SLC24A3: variants seen among roughly 807,000 people sequenced by gnomAD.
SLC24A3 encodes the protein sodium/potassium/calcium exchanger 3.
Under a neutral mutation model 75.8 loss-of-function variants are expected in SLC24A3, and 28 were observed. That is an observed-to-expected ratio of 0.37 (90% confidence interval 0.27 to 0.51). SLC24A3 has a LOEUF of 0.51. Among genes scored for constraint, SLC24A3 ranks in the 20% least tolerant of loss-of-function variants. The pLI, the probability that SLC24A3 is intolerant of heterozygous loss-of-function variation, is 0.94. For synonymous variants in SLC24A3, 372 were observed against 334.1 expected (o/e 1.11, Z -1.24); for missense variants, 663 against 847.8 (o/e 0.78, Z 2.71).
At chr20:19,536,886 T>C (rs57455631) in intron 3 of SLC24A3, among the ~76,000 whole-genome samples, 20,939 of 152,170 alleles carry the variant, frequency 0.14, 1,584 homozygotes, top group Middle Eastern at 0.18. Flanking sequence ...CAAGATGGAT[T>C]AAAGACTTAC....
At chr20:19,590,169 C>T (rs944882310) in intron 6 of SLC24A3, among the ~76,000 whole-genome samples, 7 of 148,906 alleles carry the variant, frequency 4.7e-5, no homozygotes, top group Non-Finnish European at 8.9e-5. Context: ...ACCGCAATTA[C>T]TTTTGCACCA....
intron 4 of SLC24A3, 61 bp downstream of exon 4, chr20:19,580,135 A>G: frequency 6.8e-7 from 1 of 1,463,940 alleles, no homozygotes; most frequent in Non-Finnish European, 9.5e-7. Context: ...TGTGCCCTGT[A>G]CTGTTCCAGC....
At chr20:19,278,929 G>GC (rs1273035208) in intron 1 of SLC24A3, among the ~76,000 whole-genome samples, 2 of 152,232 alleles carry the variant, frequency 1.3e-5, no homozygotes, top group African/African-American at 2.4e-5. Context: ...TAGGTGAGGT[G>GC]CCCACAGGCA....
chr20:19,500,397 C>G (rs1400870882), intron 2 of SLC24A3, among the ~76,000 whole-genome samples: 1 of 152,262 alleles, frequency 6.6e-6, no homozygotes, highest in Non-Finnish European at 1.5e-5. Flanking sequence ...TTTTGCTTCT[C>G]TCCTCATCTT....
At chr20:19,341,954 C>T (rs1361820383) in intron 2 of SLC24A3, among the ~76,000 whole-genome samples, 1 of 152,154 alleles carries the variant, frequency 6.6e-6, no homozygotes, top group African/African-American at 2.4e-5. Context: ...TTTGTAGATA[C>T]AATACCTATT....
At chr20:19,637,889 A>G (rs2032020396) in intron 6 of SLC24A3, among the ~76,000 whole-genome samples, 1 of 152,260 alleles carries the variant, frequency 6.6e-6, no homozygotes, top group Non-Finnish European at 1.5e-5. Flanking sequence ...TAATAATTAT[A>G]ACTATCAAAT....
intron 1 of SLC24A3, among the ~76,000 whole-genome samples, chr20:19,231,060 C>A (rs1289593559): frequency 6.6e-6 from 1 of 152,198 alleles, no homozygotes; most frequent in Non-Finnish European, 1.5e-5. Flanking sequence ...ATTATCTCTG[C>A]AGAACCATGG....
At chr20:19,630,079 C>T (rs190288096) in intron 6 of SLC24A3, among the ~76,000 whole-genome samples, 1 of 152,108 alleles carries the variant, frequency 6.6e-6, no homozygotes, top group Non-Finnish European at 1.5e-5. Flanking sequence ...TAAGCAATAA[C>T]TATAAATTAT....
rs73900721 is a variant in SLC24A3 at position 19,698,514 on chromosome 20, G to T, written c.1607-54G>T. The T allele has an allele frequency of 2.1e-3, 2,958 of 1,404,816 alleles. 54 individuals are homozygous for T. In the African/African-American group the frequency reaches 0.038, roughly 18 times the overall value. The allele number at this position is 1,404,816 out of a possible 1,614,324, so 87.0% of individuals were successfully genotyped here. ...GAGACTAAAGGCTTGGGAGAGTCCTGTGTGGGGCCCCTGGGTTCCCTTCCC... is the reference window on the plus strand; with the variant it reads ...GAGACTAAAGGCTTGGGAGAGTCCTTTGTGGGGCCCCTGGGTTCCCTTCCC... On this transcript the variant is annotated intron_variant, in intron 14 of 16. Transcript: ENST00000328041.
chr20:19,578,537 C>T (rs1347461046), intron 3 of SLC24A3, among the ~76,000 whole-genome samples: 2 of 151,874 alleles, frequency 1.3e-5, no homozygotes, highest in East Asian at 1.9e-4. Flanking sequence ...CCCTTACAGA[C>T]CTGTCCCTGA....
At chr20:19,646,651 C>T (rs1035172119) in intron 6 of SLC24A3, among the ~76,000 whole-genome samples, 10 of 152,178 alleles carry the variant, frequency 6.6e-5, no homozygotes, top group African/African-American at 1.4e-4. Flanking sequence ...AGTGGGCACA[C>T]GTGGTAGCCA....
chr20:19,547,695 A>C (rs190576792), intron 3 of SLC24A3, among the ~76,000 whole-genome samples: 230 of 152,364 alleles, frequency 1.5e-3, no homozygotes, highest in African/African-American at 5.5e-3. Flanking sequence ...GCCAAAAAAA[A>C]CTGCCTCTCC....
intron 2 of SLC24A3, among the ~76,000 whole-genome samples, chr20:19,473,466 G>A (rs1056228108): frequency 3.3e-5 from 5 of 152,234 alleles, no homozygotes; most frequent in African/African-American, 7.2e-5. Context: ...AACAGCAATG[G>A]CGGGTAACCC....
At chr20:19,241,806 C>G (rs900542839) in intron 1 of SLC24A3, among the ~76,000 whole-genome samples, 3 of 152,146 alleles carry the variant, frequency 2.0e-5, no homozygotes, top group Non-Finnish European at 2.9e-5. Context: ...TGAGGGCAAT[C>G]GTGATGAATA....
Position 19,612,607 on chromosome 20 carries a change from AGTGTGTGT to A in SLC24A3, c.612+27090_612+27097del, listed in dbSNP as rs71198018. On this transcript the variant is annotated intron_variant, in intron 6 of 16. Transcript: ENST00000328041. ...ATAAAACTCAAGAACCCTTAAGAAA[AGTGTGTGT>A]GTGTGTGTGTGTGTGTGTGTGTGTG... Among the ~76,000 whole-genome samples the A allele has an allele frequency of 1.2e-3, 173 of 146,938 alleles. 1 individual carries two copies. The highest frequency in any genetic ancestry group is 1.2e-3 in the Admixed American group (18 of 14,800).
chr20:19,632,923 C>T (rs539805472), intron 6 of SLC24A3, among the ~76,000 whole-genome samples: 2 of 152,336 alleles, frequency 1.3e-5, no homozygotes, highest in Admixed American at 6.5e-5. Flanking sequence ...GCCTTCACAG[C>T]GAGTTGTAAG....
chr20:19,341,453 T>C (rs1203967154), intron 2 of SLC24A3, among the ~76,000 whole-genome samples: 1 of 152,184 alleles, frequency 6.6e-6, no homozygotes, highest in East Asian at 1.9e-4. Context: ...GTGGGGTGTG[T>C]TCTGGAGGGA....
At chr20:19,691,861 T>A (rs1263181685) in intron 12 of SLC24A3, among the ~76,000 whole-genome samples, 1 of 152,104 alleles carries the variant, frequency 6.6e-6, no homozygotes, top group African/African-American at 2.4e-5. Flanking sequence ...TTTTCACAGA[T>A]GAAGAAACTG....
chr20:19,536,554 G>T (rs1395692837), intron 3 of SLC24A3, among the ~76,000 whole-genome samples: 1 of 152,162 alleles, frequency 6.6e-6, no homozygotes, highest in African/African-American at 2.4e-5. Context: ...CCAAAAAAGA[G>T]TCCGCATTGC....
Sources: allele counts gnomAD v4.1 joint callset (sites outside exome capture counted in the v4.1 genomes callset), GRCh38; gene constraint gnomAD v4.1.1; transcripts MANE v1.5; gene names NCBI Gene and HGNC (gene_info 2026-07-23, HGNC 2026-07-21).